The following TRAPPC12 variants were observed in gnomAD, a reference collection of about 807,000 sequenced individuals.
The protein encoded by TRAPPC12 is trafficking protein particle complex subunit 12.
TRAPPC12 carries 61 observed loss-of-function variants against 69.2 expected under a neutral mutation model. The observed-to-expected ratio is 0.88, with a 90% CI of 0.72 to 1.09. TRAPPC12 has a LOEUF of 1.09. Ranked by LOEUF, TRAPPC12 falls within the 50% of genes least tolerant of loss-of-function variation. The pLI is 0.00. For synonymous variants in TRAPPC12, 469 were observed against 438.9 expected, an observed-to-expected ratio of 1.07 and a Z score of -0.86; for missense variants, 1,101 against 1,016.4, an observed-to-expected ratio of 1.08 and a Z score of -1.13.
intron 3 of TRAPPC12, among the ~76,000 whole-genome samples, chr2:3,415,839 C>T (rs1293926288): frequency 6.6e-6 from 1 of 152,052 alleles, no homozygotes; most frequent in Non-Finnish European, 1.5e-5. Context: ...GCCTCAGCCT[C>T]CCAAGTAGCT....
intron 9 of TRAPPC12, among the ~76,000 whole-genome samples, chr2:3,469,728 G>C (rs537777649): frequency 1.3e-5 from 2 of 152,178 alleles, no homozygotes; most frequent in African/African-American, 4.8e-5. Context: ...CCCAGGCTGC[G>C]GGGTTGCCCC....
In TRAPPC12 at chr2:3,408,142, C is replaced by T. The variant is rs935988049; in HGVS notation, c.1164+6249C>T. On this transcript the variant is annotated intron_variant, in intron 3 of 11. Coordinates refer to ENST00000324266, the MANE Select transcript of TRAPPC12 (RefSeq NM_016030.6). The stretch of plus-strand genomic sequence containing the variant: ...TCTGCCGAGGCTGGTAAAAATAAAC[C>T]TCCAAACACGTGTGCTTGACATGTG... Among the ~76,000 whole-genome samples, 219 of 152,156 alleles carry T rather than the reference C, an allele frequency of 1.4e-3. 2 individuals carry two copies. Among genetic ancestry groups the T allele is most frequent in the Non-Finnish European group, 1.5e-4 (10 of 68,024 alleles).
rs1665757888 is a variant in TRAPPC12 at position 3,465,447 on chromosome 2, C to T, written c.1678-150C>T. On this transcript the variant is annotated intron_variant, in intron 8 of 11. Coordinates refer to ENST00000324266, the MANE Select transcript of TRAPPC12 (RefSeq NM_016030.6). Reference sequence around the variant, plus strand: ...GCAGCCGCCCCCTGGCAGCCGAGCACCGCGTGCTGGTTTCCAGCTTCCCCG... The same window carrying T: ...GCAGCCGCCCCCTGGCAGCCGAGCATCGCGTGCTGGTTTCCAGCTTCCCCG... 6.6e-6 allele frequency: 4 copies of T among 608,686 alleles called. No homozygotes were observed. In the East Asian group the frequency reaches 8.2e-5, roughly 12 times the overall value. 37.7% of individuals were successfully genotyped at this position (608,686 alleles called of 1,614,324 possible).
chr2:3,473,767 A>G (rs1367686398), intron 9 of TRAPPC12, among the ~76,000 whole-genome samples: 1 of 152,236 alleles, frequency 6.6e-6, no homozygotes, highest in Non-Finnish European at 1.5e-5. Flanking sequence ...CACTGGGCCC[A>G]GCTGAAATGA....
intron 5 of TRAPPC12, among the ~76,000 whole-genome samples, chr2:3,442,939 C>CT (rs1335029655): frequency 4.6e-5 from 7 of 152,214 alleles, no homozygotes; most frequent in African/African-American, 1.7e-4. Context: ...TTTCTCTATT[C>CT]TTTATCTCAT....
intron 1 of TRAPPC12, among the ~76,000 whole-genome samples, chr2:3,384,479 A>G (rs1034234106): frequency 1.3e-5 from 2 of 152,184 alleles, no homozygotes; most frequent in Non-Finnish European, 2.9e-5. Flanking sequence ...GCATTAAGGA[A>G]GTTACTTTCT....
intron 5 of TRAPPC12, among the ~76,000 whole-genome samples, chr2:3,441,167 TTGTC>T (rs1664179492): frequency 6.6e-6 from 1 of 152,218 alleles, no homozygotes; most frequent in Non-Finnish European, 1.5e-5. Context: ...TGTAACGTCT[TTGTC>T]TGGTTTTGGT....
intron 5 of TRAPPC12, among the ~76,000 whole-genome samples, chr2:3,425,804 A>T (rs1035193657): frequency 4.6e-5 from 7 of 152,216 alleles, no homozygotes; most frequent in African/African-American, 1.7e-4. Context: ...TTAATAATAA[A>T]ATAATAATTC....
chr2:3,422,637 C>T (rs1347227389), intron 4 of TRAPPC12, among the ~76,000 whole-genome samples: 1 of 152,192 alleles, frequency 6.6e-6, no homozygotes, highest in Non-Finnish European at 1.5e-5. Flanking sequence ...AGGAGCAGCT[C>T]TGGGGAGCCC....
chr2:3,423,400 T>G (rs11695532), intron 4 of TRAPPC12, among the ~76,000 whole-genome samples: 1 of 152,048 alleles, frequency 6.6e-6, no homozygotes, highest in African/African-American at 2.4e-5. Context: ...GTATACATTG[T>G]AACTGTGTCA....
intron 9 of TRAPPC12, among the ~76,000 whole-genome samples, chr2:3,468,874 G>A (rs1665940829): frequency 6.6e-6 from 1 of 152,208 alleles, no homozygotes; most frequent in Non-Finnish European, 1.5e-5. Flanking sequence ...GATGGAGGAC[G>A]CCACACGGAG....
intron 3 of TRAPPC12, among the ~76,000 whole-genome samples, chr2:3,409,236 A>G (rs1661904780): frequency 6.6e-6 from 1 of 152,224 alleles, no homozygotes; most frequent in Admixed American, 6.5e-5. Context: ...CAGCGAGGAG[A>G]GACAGTTATG....
intron 2 of TRAPPC12, among the ~76,000 whole-genome samples, chr2:3,393,255 CA>C: frequency 7.2e-6 from 1 of 138,818 alleles, no homozygotes; most frequent in South Asian, 2.2e-4. Context: ...AAGCCAGACA[CA>C]AAATGATGAA....
At chr2:3,436,010 T>C (rs1410926983) in intron 5 of TRAPPC12, among the ~76,000 whole-genome samples, 11 of 152,240 alleles carry the variant, frequency 7.2e-5, no homozygotes, top group African/African-American at 2.7e-4. Context: ...AGTAAGGTAC[T>C]GTTTTAGAGC....
rs1666453724 is a variant in TRAPPC12, at chr2:3,479,470, AAC to A, written c.*14_*15del. ...GCCTCAAGCTGGCCTAGCTGCCTCC[AAC>A]ACACTACGTCAGAAGGACCCGGGTC... On this transcript the variant is annotated 3_prime_UTR_variant, in exon 12 of 12. Coordinates refer to ENST00000324266, the MANE Select transcript of TRAPPC12 (RefSeq NM_016030.6). The A allele has an allele frequency of 1.2e-6, 2 of 1,613,314 alleles. No individual in the cohort carries two copies. Among genetic ancestry groups the A allele is most frequent in the Admixed American group, 1.7e-5 (1 of 59,998 alleles).
At chr2:3,447,102 CT>C (rs56069735) in intron 6 of TRAPPC12, among the ~76,000 whole-genome samples, 64,567 of 147,926 alleles carry the variant, frequency 0.44, 14,227 homozygotes, top group East Asian at 0.67. Context: ...CCTCAGGAAG[CT>C]TTTTTTTTTT....
Position 3,401,836 on chromosome 2 carries a change from A to G in TRAPPC12, c.1107A>G (p.Arg369=), listed in dbSNP as rs769235921. 20 of 1,603,400 alleles carry G rather than the reference A, an allele frequency of 1.2e-5. No homozygotes were observed. The highest frequency in any genetic ancestry group is 1.5e-5 in the Non-Finnish European group (18 of 1,176,376). ...TGGGTGAAAAAGCTGCAGCAAAGAG[A>G]CAAGTCCTAAATGCCGACTCAGTGG... The part of the protein sequence containing the change: ...RFLGEKAAAK[R]QVLNADSVEQ... The change falls in exon 3 of 12, where the codon AGA becomes AGG. Residue 369 remains arginine, a synonymous_variant. Transcript: ENST00000324266.
chr2:3,471,719 ACT>A (rs1666069377), intron 9 of TRAPPC12, among the ~76,000 whole-genome samples: 1 of 152,196 alleles, frequency 6.6e-6, no homozygotes, highest in Admixed American at 6.5e-5. Flanking sequence ...TTATATTCAT[ACT>A]TCTTAGAATT....
At chr2:3,451,946 TGTG>T (rs1348927029) in intron 6 of TRAPPC12, among the ~76,000 whole-genome samples, 1 of 152,216 alleles carries the variant, frequency 6.6e-6, no homozygotes, top group Non-Finnish European at 1.5e-5. Context: ...GATTTGCCTG[TGTG>T]TTGACCATCA....
Sources: allele counts gnomAD v4.1 joint callset (sites outside exome capture counted in the v4.1 genomes callset), GRCh38; gene constraint gnomAD v4.1.1; transcripts MANE v1.5; gene names NCBI Gene and HGNC (gene_info 2026-07-23, HGNC 2026-07-21).